SNX1: variants seen among roughly 807,000 people sequenced by gnomAD.
The protein encoded by SNX1 is sorting nexin-1.
In SNX1, 36 loss-of-function variants were observed where a neutral mutation model predicts 71.8. That is an observed-to-expected ratio of 0.50 (90% CI 0.38 to 0.66). The LOEUF is 0.66. Among genes scored for constraint, SNX1 ranks in the 30% least tolerant of loss-of-function variants. The probability of loss-of-function intolerance (pLI) is 0.00; values close to 1 mark genes in which losing one functional copy is unlikely to be tolerated. For synonymous variants in SNX1, 254 were observed against 240.7 expected, an observed-to-expected ratio of 1.06 and a Z score of -0.51; for missense variants, 612 against 646.7, an observed-to-expected ratio of 0.95 and a Z score of 0.58.
Position 64,137,680 on chromosome 15 carries a change from A to C in SNX1, c.*62A>C. 1 of 1,609,452 alleles carries C rather than the reference A, an allele frequency of 6.2e-7. No individual in the cohort carries two copies. On this transcript the variant is annotated 3_prime_UTR_variant, in exon 15 of 15. Coordinates refer to ENST00000559844, the MANE Select transcript of SNX1 (RefSeq NM_003099.5). ...GCCTTTTTATACACTGTCCTCCTCCACCTTGATGGACCCCTAGTGATGCAT... is the reference window on the plus strand; with the variant it reads ...GCCTTTTTATACACTGTCCTCCTCCCCCTTGATGGACCCCTAGTGATGCAT...
rs1388900478 is a variant in SNX1 at position 64,126,203 on chromosome 15, C to T, written c.635C>T (p.Pro212Leu). 18 of 1,613,796 alleles carry T rather than the reference C, an allele frequency of 1.1e-5. No homozygotes were observed. The highest frequency in any genetic ancestry group is 1.4e-5 in the Non-Finnish European group (17 of 1,179,974). The change falls in exon 6 of 15, where the codon CCG becomes CTG. Residue 212 changes from proline (P) to leucine (L), a missense_variant. Pro to Leu is a moderately conservative substitution (Grantham distance 98). This residue lies in a region of SNX1 where 316 missense variants were observed against 284.9 expected (regional missense o/e 1.11). Transcript: ENST00000559844. ...AATGGCTTCATTGTCCCTCCGCCCC[C>T]GGAGAAGAGCCTCATAGGTAAGCCT... ...SQNGFIVPPP[P>L]EKSLIGMTKV... is the part of the protein sequence containing the mutation.
chr15:64,130,385 C>G, intron 10 of SNX1, 64 bp downstream of exon 10: 2 of 1,273,090 alleles, frequency 1.6e-6, no homozygotes, highest in Non-Finnish European at 2.3e-6. Context: ...ACTGGAGATG[C>G]GAGGGCATGC....
At chr15:64,105,661 G>A (rs2081012809) in intron 1 of SNX1, among the ~76,000 whole-genome samples, 1 of 152,126 alleles carries the variant, frequency 6.6e-6, no homozygotes, top group Non-Finnish European at 1.5e-5. Context: ...GCGGTTTTCT[G>A]GGCCCTTTCT....
intron 1 of SNX1, among the ~76,000 whole-genome samples, chr15:64,105,089 G>A (rs1294767598): frequency 6.6e-6 from 1 of 151,632 alleles, no homozygotes; most frequent in Non-Finnish European, 1.5e-5. Flanking sequence ...ACAAAAATTA[G>A]CCAGGCGTGG....
intron 1 of SNX1, among the ~76,000 whole-genome samples, chr15:64,097,509 T>G (rs997123961): frequency 3.9e-5 from 6 of 152,142 alleles, no homozygotes; most frequent in African/African-American, 1.4e-4. Context: ...AACCTTGGTG[T>G]TTTTCCTTGA....
In SNX1 at chr15:64,134,882, G is replaced by T. The variant is rs529919346; in HGVS notation, c.1365+75G>T. On this transcript the variant is annotated intron_variant, in intron 12 of 14. Transcript: ENST00000559844. This position sits in a 1 kb window ranked among gnomAD's most constrained non-coding sequence, Gnocchi z 4.1. ...GAACCCAGGGCCCATCCCACCCAGA[G>T]GTTTGGAACCCCACAGGGGGAAGAG... 2.2e-5 allele frequency: 35 copies of T among 1,565,938 alleles called. No individual in the cohort carries two copies. In the East Asian group the frequency reaches 6.8e-4, roughly 30 times the overall value.
Position 64,137,508 on chromosome 15 carries a change from G to A in SNX1, c.1519-60G>A, listed in dbSNP as rs533021730. The A allele has an allele frequency of 3.7e-6, 6 of 1,602,264 alleles. No homozygotes were observed. The South Asian group carries it at 5.5e-5, about 15-fold the overall frequency. On this transcript the variant is annotated intron_variant, in intron 14 of 14. Transcript: ENST00000559844. ...GGGTACTGTGCTTGATTCCTCCCAG[G>A]CTGGCTTAGGCTCTGCCACTAGGTG...
chr15:64,130,282 C>T lies in SNX1; in HGVS notation c.976C>T (p.Leu326=), dbSNP rs777167206. 2 of 1,614,134 alleles carry T rather than the reference C, an allele frequency of 1.2e-6. No homozygotes were observed. Among genetic ancestry groups the T allele is most frequent in the Non-Finnish European group, 1.7e-6 (2 of 1,180,008 alleles). The change falls in exon 10 of 15, where the codon CTG becomes TTG. Residue 326 remains leucine (L), a synonymous_variant. Transcript: ENST00000559844. ...VECEEQRLRK[L]HAVVETLVNH... is the part of the protein sequence containing the mutation. ...GTGTGAGGAGCAGCGCTTACGGAAA[C>T]TGCATGCTGTTGTAGAAACTCTAGT...
chr15:64,127,896 A>G, intron 8 of SNX1, 90 bp downstream of exon 8: 1 of 885,274 alleles, frequency 1.1e-6, no homozygotes, highest in East Asian at 2.5e-5. Context: ...TGAGCACTTA[A>G]CATGCCTAGT....
intron 4 of SNX1, among the ~76,000 whole-genome samples, chr15:64,120,579 A>G (rs1375568862): frequency 6.6e-6 from 1 of 152,190 alleles, no homozygotes; most frequent in Admixed American, 6.5e-5. Flanking sequence ...TGGAAGGCCA[A>G]GGCAGGAGGA....
chr15:64,131,281 C>T (rs74019211), intron 10 of SNX1, among the ~76,000 whole-genome samples: 2,792 of 152,272 alleles, frequency 0.018, 102 homozygotes, highest in African/African-American at 0.064. Context: ...TACTCTAGAA[C>T]GTGCAAGACT....
chr15:64,119,046 GTCTTT>G (rs1190502769), intron 4 of SNX1, among the ~76,000 whole-genome samples, 192 bp downstream of exon 4: 1 of 150,258 alleles, frequency 6.7e-6, no homozygotes, highest in Non-Finnish European at 1.5e-5. Context: ...GCGTTAGTCA[GTCTTT>G]TCTTGGCTTC....
intron 4 of SNX1, among the ~76,000 whole-genome samples, chr15:64,120,266 CTTTT>C (rs35526278): frequency 4.5e-5 from 3 of 67,100 alleles, no homozygotes; most frequent in African/African-American, 1.1e-4. Flanking sequence ...AAATGGTTGT[CTTTT>C]TTTTTTTTTT....
intron 1 of SNX1, among the ~76,000 whole-genome samples, chr15:64,101,564 C>T (rs1024909489): frequency 2.1e-4 from 32 of 152,216 alleles, no homozygotes; most frequent in African/African-American, 7.7e-4. Context: ...CTGATGTCAA[C>T]ATGAGTGTGC....
Position 64,104,272 on chromosome 15 carries a change from G to T in SNX1, c.159+8100G>T, listed in dbSNP as rs1480204741. On this transcript the variant is annotated intron_variant, in intron 1 of 14. Coordinates refer to ENST00000559844, the MANE Select transcript of SNX1 (RefSeq NM_003099.5). ...TAGAACACCAGTTTTGGAGTAAAGG[G>T]TTTTTTTTTTTTTTTTTTGGGACGG... 9.4e-4 allele frequency among the ~76,000 whole-genome samples: 116 copies of T among 123,292 alleles called. 1 individual carries two copies. The East Asian group carries it at 0.019, about 20-fold the overall frequency. The allele number at this position is 123,292 out of a possible 152,430, so 80.9% of individuals were successfully genotyped here.
In SNX1 at chr15:64,134,777, G is replaced by A. The variant is rs1415099514; in HGVS notation, c.1335G>A (p.Lys445=). 6.2e-7 allele frequency: 1 copy of A among 1,613,910 alleles called. No homozygotes were observed. Among genetic ancestry groups the A allele is most frequent in the Non-Finnish European group, 8.5e-7 (1 of 1,180,046 alleles). The change falls in exon 12 of 15, where the codon AAG becomes AAA. Residue 445 remains lysine, a synonymous_variant. Transcript: ENST00000559844. The surrounding 1 kb of genome is among the most constrained non-coding windows in gnomAD (Gnocchi z 4.1). ...TGCTGTGGGCCAACAAGCCTGATAA[G>A]CTGCAGCAGGCCAAGGACGAGATCC... is the stretch of plus-strand genomic sequence containing the variant. ...ARLLWANKPD[K]LQQAKDEILE...
At position 64,096,026 on chromosome 15, in the gene SNX1, G is replaced by A. The variant is rs367760878; in HGVS notation, c.13G>A (p.Gly5Ser). The change falls in exon 1 of 15, where the codon GGT becomes AGT. Residue 5 changes from glycine to serine, a missense_variant. Physicochemically the swap from Gly to Ser is moderately conservative, Grantham distance 56. This residue lies in a region of SNX1 where 316 missense variants were observed against 284.9 expected (regional missense o/e 1.11). Coordinates refer to ENST00000559844, the MANE Select transcript of SNX1 (RefSeq NM_003099.5). The stretch of plus-strand genomic sequence containing the variant: ...CGGGTGGAAGAAGATGGCGTCGGGT[G>A]GTGGTGGCTGTAGCGCTTCGGAGAG... MASG[G>S]GGCSASERLP... The A allele has an allele frequency of 6.1e-5, 98 of 1,595,692 alleles. No individual in the cohort carries two copies. The highest frequency in any genetic ancestry group is 8.1e-5 in the Non-Finnish European group (95 of 1,175,166).
Position 64,138,090 on chromosome 15 carries a change from T to C in SNX1, c.*472T>C, listed in dbSNP as rs1228217655. 1.3e-6 allele frequency: 2 copies of C among 1,535,806 alleles called. No homozygotes were observed. Among genetic ancestry groups the C allele is most frequent in the African/African-American group, 1.4e-5 (1 of 73,042 alleles). ...GTCTGGAATACTCCTAACCAAGAAG[T>C]TGCCCAGGTATAGTAAGTTTTTCTC... On this transcript the variant is annotated 3_prime_UTR_variant, in exon 15 of 15. Coordinates refer to ENST00000559844, the MANE Select transcript of SNX1 (RefSeq NM_003099.5).
At chr15:64,127,113 A>G (rs2081262014) in intron 6 of SNX1, 61 bp from the exon 7 acceptor site, 8 of 1,382,306 alleles carry the variant, frequency 5.8e-6, no homozygotes, top group Middle Eastern at 1.8e-4. Context: ...CTTAAAAAAA[A>G]AAAAGATTTA....
Sources: allele counts gnomAD v4.1 joint callset (sites outside exome capture counted in the v4.1 genomes callset), GRCh38; gene constraint gnomAD v4.1.1; regional missense constraint gnomAD v4.1.1; non-coding constraint Gnocchi (gnomAD v3.1); transcripts MANE v1.5; gene names NCBI Gene and HGNC (gene_info 2026-07-23, HGNC 2026-07-21).